The following DAB1 variants were observed in gnomAD, a reference collection of about 807,000 sequenced individuals.
DAB1 encodes DAB adaptor protein 1.
Under a neutral mutation model 64.6 loss-of-function variants are expected in DAB1, and 15 were observed. The observed-to-expected ratio is 0.23, with a 90% CI of 0.16 to 0.36. The LOEUF is 0.36. DAB1 is among the 10% of genes least tolerant of loss of function. The probability of loss-of-function intolerance (pLI) is 1.00; values close to 1 mark genes in which losing one functional copy is unlikely to be tolerated. For synonymous variants in DAB1, 235 were observed against 251.9 expected, an observed-to-expected ratio of 0.93 and a Z score of 0.64; for missense variants, 596 against 706.7, an observed-to-expected ratio of 0.84 and a Z score of 1.78.
chr1:57,191,261 T>C (rs1464908902), intron 2 of DAB1, among the ~76,000 whole-genome samples: 1 of 152,204 alleles, frequency 6.6e-6, no homozygotes, highest in African/African-American at 2.4e-5. Context: ...GGCCAAAGTT[T>C]CTTCCTCTGA....
At chr1:57,680,382 G>A (rs1247257673) in intron 6 of DAB1, among the ~76,000 whole-genome samples, 3 of 152,224 alleles carry the variant, frequency 2.0e-5, no homozygotes, top group Admixed American at 2.0e-4. Context: ...TCAGAAGTCT[G>A]ACACAGGTCT....
At chr1:57,782,809 T>A (rs1027685386) in intron 6 of DAB1, among the ~76,000 whole-genome samples, 1 of 152,160 alleles carries the variant, frequency 6.6e-6, no homozygotes, top group African/African-American at 2.4e-5. Flanking sequence ...GATAATTGGG[T>A]GCATGTAACT....
chr1:58,119,241 T>C (rs1320895621), intron 5 of DAB1, among the ~76,000 whole-genome samples: 1 of 151,938 alleles, frequency 6.6e-6, no homozygotes, highest in Non-Finnish European at 1.5e-5. Flanking sequence ...TGTGTGTGTG[T>C]GTGTGTGTGT....
At chr1:58,176,431 T>C (rs1021587248) in intron 4 of DAB1, among the ~76,000 whole-genome samples, 1 of 152,164 alleles carries the variant, frequency 6.6e-6, no homozygotes, top group African/African-American at 2.4e-5. Context: ...ATGGAATTGG[T>C]CTCTTAGTCC....
At chr1:58,048,546 A>C in intron 5 of DAB1, 1 of 1,138,954 alleles carries the variant, frequency 8.8e-7, no homozygotes, top group South Asian at 1.2e-5. Context: ...TAACCACCAT[A>C]ATTGCCAAAC....
At chr1:57,283,636 G>A (rs1386280772) in intron 2 of DAB1, among the ~76,000 whole-genome samples, 4 of 152,220 alleles carry the variant, frequency 2.6e-5, no homozygotes, top group Non-Finnish European at 5.9e-5. Flanking sequence ...AAAATGTGCT[G>A]AGCCTTGACT....
intron 1 of DAB1, among the ~76,000 whole-genome samples, chr1:57,330,028 C>T (rs1190914146): frequency 6.6e-6 from 1 of 152,102 alleles, no homozygotes; most frequent in African/African-American, 2.4e-5. Context: ...TTTATGCTTT[C>T]ACTGCAGTGC....
intron 5 of DAB1, among the ~76,000 whole-genome samples, chr1:57,992,061 A>C (rs2100378596): frequency 6.6e-6 from 1 of 152,226 alleles, no homozygotes; most frequent in African/African-American, 2.4e-5. Context: ...TCTTCCACAA[A>C]GTGGGAATTC....
At chr1:58,408,087 A>G (rs1462775945) in intron 3 of DAB1, among the ~76,000 whole-genome samples, 1 of 152,160 alleles carries the variant, frequency 6.6e-6, no homozygotes, top group African/African-American at 2.4e-5. Flanking sequence ...TTAGACATGC[A>G]TTTCTCCAGC....
chr1:57,091,481 T>C (rs545566379), intron 4 of DAB1, among the ~76,000 whole-genome samples: 1 of 152,340 alleles, frequency 6.6e-6, no homozygotes, highest in South Asian at 2.1e-4. Context: ...ATGAAGAAGG[T>C]ATTTAGCTCA....
intron 5 of DAB1, among the ~76,000 whole-genome samples, chr1:57,953,331 C>T (rs553597543): frequency 6.6e-6 from 1 of 152,114 alleles, no homozygotes; most frequent in African/African-American, 2.4e-5. Flanking sequence ...ACATACTTGA[C>T]CTAAGGACAT....
At chr1:57,121,619 A>G (rs186775670) in intron 4 of DAB1, among the ~76,000 whole-genome samples, 2 of 152,326 alleles carry the variant, frequency 1.3e-5, no homozygotes, top group African/African-American at 4.8e-5. Flanking sequence ...GGTTTTCATT[A>G]TGAAGTCTTT....
At chr1:58,081,845 A>G (rs1028905246) in intron 5 of DAB1, among the ~76,000 whole-genome samples, 2 of 152,078 alleles carry the variant, frequency 1.3e-5, no homozygotes, top group African/African-American at 4.8e-5. Flanking sequence ...CTTTCTTCTG[A>G]GAAATTTGAT....
intron 6 of DAB1, among the ~76,000 whole-genome samples, chr1:57,682,726 G>T (rs181730167): frequency 2.0e-5 from 3 of 152,236 alleles, no homozygotes; most frequent in African/African-American, 7.2e-5. Context: ...GGTGTATGTA[G>T]CCCAGGAGCT....
chr1:57,958,534 T>C (rs1645444075), intron 5 of DAB1, among the ~76,000 whole-genome samples: 1 of 152,094 alleles, frequency 6.6e-6, no homozygotes, highest in Non-Finnish European at 1.5e-5. Flanking sequence ...ACCTCTTGAG[T>C]AAGTCACCTA....
At chr1:58,507,571 T>C (rs943903382) in intron 2 of DAB1, among the ~76,000 whole-genome samples, 3 of 152,036 alleles carry the variant, frequency 2.0e-5, no homozygotes, top group African/African-American at 7.2e-5. Flanking sequence ...TGCACAGATA[T>C]GGATATACAT....
chr1:57,011,419 TTCTC>T (rs746282815), intron 12 of DAB1, 147 bp from the exon 13 acceptor site: 34 of 991,424 alleles, frequency 3.4e-5, no homozygotes, highest in Non-Finnish European at 4.9e-5. Context: ...AATATTTGAA[TTCTC>T]TCTCTGTACG....
chr1:57,841,789 G>A (rs1245665311), intron 1 of DAB1, among the ~76,000 whole-genome samples: 1 of 152,210 alleles, frequency 6.6e-6, no homozygotes, highest in African/African-American at 2.4e-5. Context: ...GTGAGGGGAT[G>A]CTGTGAAGAT....
intron 2 of DAB1, among the ~76,000 whole-genome samples, chr1:57,288,273 C>T (rs571439999): frequency 2.6e-5 from 4 of 151,946 alleles, no homozygotes; most frequent in South Asian, 4.2e-4. Context: ...AATATCTATG[C>T]GATGGTGATG....
Sources: gnomAD v4.1 joint callset for allele counts (sites outside exome capture counted in the v4.1 genomes callset) on GRCh38, gnomAD v4.1.1 for gene constraint, MANE v1.5 for transcripts, NCBI Gene and HGNC (gene_info 2026-07-23, HGNC 2026-07-21) for gene names.